Variants in NKAIN2 observed in about 807,000 individuals in gnomAD.
The protein encoded by NKAIN2 is sodium/potassium transporting ATPase interacting 2.
NKAIN2 carries 14 observed loss-of-function variants against 32.6 expected under a neutral mutation model. The ratio of observed to expected loss-of-function variants is 0.43; its 90% CI spans 0.28 to 0.67. NKAIN2 has a LOEUF of 0.67. Ranked by LOEUF, NKAIN2 falls within the 30% of genes least tolerant of loss-of-function variation. The pLI, the probability that NKAIN2 is intolerant of heterozygous loss-of-function variation, is 0.17. For missense variants in NKAIN2, 198 were observed against 258.3 expected, an observed-to-expected ratio of 0.77 and a Z score of 1.60; for synonymous variants, 80 against 87.2, an observed-to-expected ratio of 0.92 and a Z score of 0.46.
At chr6:124,514,077 C>T (rs1172049070) in intron 3 of NKAIN2, among the ~76,000 whole-genome samples, 1 of 152,094 alleles carries the variant, frequency 6.6e-6, no homozygotes, top group Non-Finnish European at 1.5e-5. Flanking sequence ...ACAGAAAGGA[C>T]TAAATTTCCC....
intron 2 of NKAIN2, among the ~76,000 whole-genome samples, chr6:124,294,091 T>C (rs1387313533): frequency 6.6e-6 from 1 of 152,172 alleles, no homozygotes; most frequent in East Asian, 1.9e-4. Flanking sequence ...CTCAACGTAC[T>C]AGAGGCTGGG....
At chr6:124,576,461 C>G (rs549421960) in intron 3 of NKAIN2, among the ~76,000 whole-genome samples, 1 of 152,046 alleles carries the variant, frequency 6.6e-6, no homozygotes, top group East Asian at 1.9e-4. Flanking sequence ...AAAAGTCATG[C>G]GAACCACACT....
chr6:123,839,562 A>G (rs1469567519), intron 1 of NKAIN2, among the ~76,000 whole-genome samples: 1 of 152,090 alleles, frequency 6.6e-6, no homozygotes, highest in Admixed American at 6.5e-5. Context: ...GTTCCCTTTA[A>G]TAGCCCAATC....
chr6:124,346,616 G>A lies in NKAIN2; in HGVS notation c.193-8651G>A, dbSNP rs1189244719. 4.0e-5 allele frequency among the ~76,000 whole-genome samples: 6 copies of A among 151,710 alleles called. No individual in the cohort carries two copies. The South Asian group carries it at 1.3e-3, about 32-fold the overall frequency. ...GCCTTCTTTGTCTCTTTTGATCTTTGTTGGTTTAAAGTCTGTTTTATCAGA... is the reference window on the plus strand; with the variant it reads ...GCCTTCTTTGTCTCTTTTGATCTTTATTGGTTTAAAGTCTGTTTTATCAGA... On this transcript the variant is annotated intron_variant, in intron 2 of 6. Transcript: ENST00000368417.
At position 124,530,877 on chromosome 6, in the gene NKAIN2, A is replaced by G. The variant is rs533027314; in HGVS notation, c.274-127309A>G. 1.0e-3 allele frequency among the ~76,000 whole-genome samples: 157 copies of G among 152,338 alleles called. 1 individual carries two copies. In the South Asian group the frequency reaches 0.015, roughly 14 times the overall value. ...AGAAAATGAATGTCCTAGCTCCAGA[A>G]GAAAGAATGAATTAGCCCTTCTTCC... is the stretch of plus-strand genomic sequence containing the variant. On this transcript the variant is annotated intron_variant, in intron 3 of 6. Transcript: ENST00000368417.
chr6:123,973,999 C>T (rs547241992), intron 1 of NKAIN2, among the ~76,000 whole-genome samples: 48 of 151,938 alleles, frequency 3.2e-4, no homozygotes, highest in Admixed American at 1.0e-3. Context: ...CTCAAAGACA[C>T]GAAACTTTTA....
intron 1 of NKAIN2, among the ~76,000 whole-genome samples, chr6:124,065,683 T>G (rs1171897244): frequency 6.6e-6 from 1 of 152,154 alleles, no homozygotes. Context: ...TTCTATTGTT[T>G]ATAGATTACC....
rs117628082 is a variant in NKAIN2, at chr6:123,859,257, A to G, written c.54+55003A>G. 3.3e-3 allele frequency among the ~76,000 whole-genome samples: 505 copies of G among 152,252 alleles called. 5 individuals are homozygous for G. Among genetic ancestry groups the G allele is most frequent in the Non-Finnish European group, 4.6e-3 (314 of 68,022 alleles). On this transcript the variant is annotated intron_variant, in intron 1 of 6. Transcript: ENST00000368417. ...CCATGTGATCAGTACATTTTTCCAT[A>G]TAGATAGACTGTATGGAAAGCAAAT...
chr6:124,377,604 T>C (rs1414906836), intron 3 of NKAIN2, among the ~76,000 whole-genome samples: 1 of 152,082 alleles, frequency 6.6e-6, no homozygotes, highest in Non-Finnish European at 1.5e-5. Context: ...AGAACTTCAC[T>C]GGCCAGGAGA....
intron 3 of NKAIN2, among the ~76,000 whole-genome samples, chr6:124,570,792 G>A (rs917638038): frequency 3.9e-5 from 6 of 152,180 alleles, no homozygotes; most frequent in Admixed American, 1.3e-4. Flanking sequence ...CTTGGGCACT[G>A]TCTATTGGAA....
At chr6:124,139,960 T>A (rs780406662) in intron 1 of NKAIN2, among the ~76,000 whole-genome samples, 16 of 152,166 alleles carry the variant, frequency 1.1e-4, no homozygotes, top group Non-Finnish European at 1.5e-4. Flanking sequence ...TGCACAGATG[T>A]TATTAATTTC....
At chr6:124,132,812 A>G (rs974654007) in intron 1 of NKAIN2, among the ~76,000 whole-genome samples, 2 of 152,206 alleles carry the variant, frequency 1.3e-5, no homozygotes, top group African/African-American at 4.8e-5. Flanking sequence ...GCACCAACAC[A>G]GAGCCTGGTA....
At chr6:124,555,798 G>A (rs1159240925) in intron 3 of NKAIN2, among the ~76,000 whole-genome samples, 3 of 152,080 alleles carry the variant, frequency 2.0e-5, no homozygotes, top group East Asian at 1.9e-4. Flanking sequence ...CAGATTATAT[G>A]GACAAATATG....
At chr6:123,980,314 A>C (rs1308816707) in intron 1 of NKAIN2, among the ~76,000 whole-genome samples, 1 of 152,188 alleles carries the variant, frequency 6.6e-6, no homozygotes, top group Non-Finnish European at 1.5e-5. Context: ...TATGGAAGGG[A>C]CATTCTGTAA....
intron 1 of NKAIN2, among the ~76,000 whole-genome samples, chr6:124,132,090 G>A (rs1786510325): frequency 6.6e-6 from 1 of 152,192 alleles, no homozygotes; most frequent in South Asian, 2.1e-4. Context: ...GCAGGAGCAA[G>A]ATTGACCTTG....
intron 1 of NKAIN2, among the ~76,000 whole-genome samples, chr6:124,161,423 G>C (rs534554368): frequency 3.9e-5 from 6 of 152,160 alleles, no homozygotes; most frequent in African/African-American, 1.4e-4. Flanking sequence ...ATGAGATTTG[G>C]TCAAGGACAC....
chr6:124,363,326 G>T (rs1214927425), intron 3 of NKAIN2, among the ~76,000 whole-genome samples: 1 of 152,136 alleles, frequency 6.6e-6, no homozygotes, highest in African/African-American at 2.4e-5. Flanking sequence ...CGAAAAAGAT[G>T]AGCTAACTTT....
intron 3 of NKAIN2, among the ~76,000 whole-genome samples, chr6:124,547,685 G>C (rs1359033807): frequency 6.6e-6 from 1 of 152,106 alleles, no homozygotes; most frequent in Non-Finnish European, 1.5e-5. Context: ...CCTGTTTAAT[G>C]TTTTTGTCTC....
chr6:124,803,281 CA>C (rs1780350383), intron 5 of NKAIN2, among the ~76,000 whole-genome samples: 1 of 152,190 alleles, frequency 6.6e-6, no homozygotes, highest in Non-Finnish European at 1.5e-5. Flanking sequence ...TGTCTTCTTG[CA>C]ACCCTGCCCA....
Sources: allele counts gnomAD v4.1 joint callset (sites outside exome capture counted in the v4.1 genomes callset), GRCh38; gene constraint gnomAD v4.1.1; transcripts MANE v1.5; gene names NCBI Gene and HGNC (gene_info 2026-07-23, HGNC 2026-07-21).